The following KCNJ5 variants were observed in gnomAD, a reference collection of about 807,000 sequenced individuals.
KCNJ5 encodes potassium inwardly rectifying channel subfamily J member 5.
KCNJ5 carries 12 observed loss-of-function variants against 20.2 expected under a neutral mutation model. The observed-to-expected ratio is 0.59, with a 90% CI of 0.38 to 0.96. The LOEUF is 0.96. Among genes scored for constraint, KCNJ5 ranks in the 40% least tolerant of loss-of-function variants. The pLI is 0.00. For missense variants in KCNJ5, 449 were observed against 557.6 expected (o/e 0.81, Z 1.96); for synonymous variants, 210 against 213.9 (o/e 0.98, Z 0.16).
Position 128,916,922 on chromosome 11 carries a change from C to T in KCNJ5, c.*191C>T, listed in dbSNP as rs575827982. The T allele has an allele frequency of 1.1e-3, 625 of 575,622 alleles. 1 individual carries two copies. The highest frequency in any genetic ancestry group is 1.2e-3 in the Non-Finnish European group (380 of 325,380). 35.7% of individuals were successfully genotyped at this position (575,622 alleles called of 1,614,324 possible). ...AGGGCCTCCCTGAGCCAGTGGCATC[C>T]TGCCTGGGCCCCCCATGGCAGTGCT... On this transcript the variant is annotated 3_prime_UTR_variant, in exon 3 of 3. Coordinates refer to ENST00000529694, the MANE Select transcript of KCNJ5 (RefSeq NM_000890.5).
chr11:128,911,664 GA>G lies in KCNJ5; in HGVS notation c.395del (p.Asn132ThrfsTer121). 1 of 1,614,226 alleles carries G rather than the reference GA, an allele frequency of 6.2e-7. No individual in the cohort carries two copies. The highest frequency in any genetic ancestry group is 8.5e-7 in the Non-Finnish European group (1 of 1,180,038). ...VGDQEWIPCV[E>X]NLSGFVSAFL... Reference sequence around the variant, plus strand: ...CGACCAAGAGTGGATTCCTTGTGTTGAAAACCTCAGTGGCTTCGTGTCCGCT... The same window carrying G: ...CGACCAAGAGTGGATTCCTTGTGTTGAAACCTCAGTGGCTTCGTGTCCGCT... On this transcript the variant is annotated frameshift_variant, in exon 2 of 3. Transcript: ENST00000529694. LOFTEE classifies it high-confidence loss of function. This position sits in a 1 kb window ranked among gnomAD's most constrained non-coding sequence, Gnocchi z 6.3.
chr11:128,904,394 G>T (rs761398239), intron 1 of KCNJ5: 2 of 1,612,200 alleles, frequency 1.2e-6, no homozygotes, highest in Admixed American at 3.3e-5. Context: ...AACTCCTTGC[G>T]GACAGAGAAC....
Position 128,916,634 on chromosome 11 carries a change from G to A in KCNJ5, c.1163G>A (p.Gly388Asp), listed in dbSNP as rs150388315. The change falls in exon 3 of 3, where the codon GGC becomes GAC. Residue 388 changes from glycine to aspartate, a missense_variant. Physicochemically the swap from Gly to Asp is moderately conservative, Grantham distance 94. Transcript: ENST00000529694. ...QYLPSPPLLG[G>D]CAEAGLDAEA... Reference sequence around the variant, plus strand: ...CTCCCCAGCCCCCCACTGCTGGGGGGCTGTGCTGAGGCAGGGCTGGATGCA... The same window carrying A: ...CTCCCCAGCCCCCCACTGCTGGGGGACTGTGCTGAGGCAGGGCTGGATGCA... 24 of 1,613,676 alleles carry A rather than the reference G, an allele frequency of 1.5e-5. 1 individual carries two copies. The South Asian group carries it at 1.9e-4, about 13-fold the overall frequency.
chr11:128,904,539 G>A, intron 1 of KCNJ5: 1 of 1,323,696 alleles, frequency 7.6e-7, no homozygotes, highest in African/African-American at 1.4e-5. Flanking sequence ...CTACTCAGGT[G>A]TGCACTGAGG....
At chr11:128,906,436 G>A (rs766343342) in intron 1 of KCNJ5, among the ~76,000 whole-genome samples, 10 of 152,298 alleles carry the variant, frequency 6.6e-5, no homozygotes, top group Middle Eastern at 3.4e-3. Flanking sequence ...AGAAGTCCAG[G>A]CTTGATGCGA....
intron 1 of KCNJ5, chr11:128,902,585 T>C (rs570988967): frequency 4.3e-6 from 7 of 1,611,762 alleles, no homozygotes; most frequent in African/African-American, 1.3e-5. Context: ...ACCAGGCTGA[T>C]GGGCACTGAG....
Position 128,916,720 on chromosome 11 carries a change from G to A in KCNJ5, c.1249G>A (p.Gly417Ser), listed in dbSNP as rs1944589848. Reference sequence around the variant, plus strand: ...GCTGGGTGGGTCCAGGGAGGCCAGGGGCTCGGTGTGAGGGGTGCAGCCTCC... The same window carrying A: ...GCTGGGTGGGTCCAGGGAGGCCAGGAGCTCGGTGTGAGGGGTGCAGCCTCC... ...KGLGGSREAR[G>S]SV The change falls in exon 3 of 3, where the codon GGC becomes AGC. Residue 417 changes from glycine to serine, a missense_variant. By Grantham distance (56) the Gly-to-Ser change is moderately conservative. This residue lies in a region of KCNJ5 where 64 missense variants were observed against 51.3 expected (regional missense o/e 1.25). Transcript: ENST00000529694. The A allele has an allele frequency of 2.5e-6, 4 of 1,603,088 alleles. No individual in the cohort carries two copies. Among genetic ancestry groups the A allele is most frequent in the Non-Finnish European group, 3.4e-6 (4 of 1,175,494 alleles).
Position 128,919,824 on chromosome 11 carries a change from AC to A in KCNJ5, c.*3094del, listed in dbSNP as rs954141660. 1 of 152,138 alleles carries A rather than the reference AC, an allele frequency of 6.6e-6. No homozygotes were observed. Among genetic ancestry groups the A allele is most frequent in the African/African-American group, 2.4e-5 (1 of 41,398 alleles). 9.4% of individuals were successfully genotyped at this position (152,138 alleles called of 1,614,324 possible). On this transcript the variant is annotated 3_prime_UTR_variant, in exon 3 of 3. Coordinates refer to ENST00000529694, the MANE Select transcript of KCNJ5 (RefSeq NM_000890.5). ...GCTGGGATTACAGGCATGAGCCACC[AC>A]GCCCAGCCATTTTCAAAACACTGCT...
intron 1 of KCNJ5, among the ~76,000 whole-genome samples, chr11:128,897,532 G>A (rs1944196837): frequency 6.6e-6 from 1 of 152,092 alleles, no homozygotes; most frequent in Admixed American, 6.5e-5. Context: ...GAATTTTTAA[G>A]TATATATTTT....
chr11:128,903,063 G>A (rs947560239), intron 1 of KCNJ5, among the ~76,000 whole-genome samples: 5 of 152,148 alleles, frequency 3.3e-5, no homozygotes, highest in Non-Finnish European at 5.9e-5. Context: ...AACTAGAGCC[G>A]AGTAGCAGCT....
chr11:128,909,179 T>G (rs1944465786), intron 1 of KCNJ5, among the ~76,000 whole-genome samples: 1 of 152,244 alleles, frequency 6.6e-6, no homozygotes, highest in Admixed American at 6.5e-5. Flanking sequence ...GCCAGGGTCA[T>G]CTGACTCCCC....
rs764499695 is a variant in KCNJ5, at chr11:128,916,633, G to A, written c.1162G>A (p.Gly388Ser). 3 of 1,613,658 alleles carry A rather than the reference G, an allele frequency of 1.9e-6. No individual in the cohort carries two copies. The highest frequency in any genetic ancestry group is 2.2e-5 in the East Asian group (1 of 44,872). Reference sequence around the variant, plus strand: ...CCTCCCCAGCCCCCCACTGCTGGGGGGCTGTGCTGAGGCAGGGCTGGATGC... The same window carrying A: ...CCTCCCCAGCCCCCCACTGCTGGGGAGCTGTGCTGAGGCAGGGCTGGATGC... ...QYLPSPPLLGGCAEAGLDAEA... is the reference protein window; with the variant it reads ...QYLPSPPLLGSCAEAGLDAEA... The change falls in exon 3 of 3, where the codon GGC becomes AGC. Residue 388 changes from glycine to serine, a missense_variant. Transcript: ENST00000529694.
Position 128,911,429 on chromosome 11 carries a change from C to T in KCNJ5, c.156C>T (p.Arg52=). Residue 52 remains arginine (R), a synonymous_variant, in exon 2 of 3, where the codon CGC becomes CGT. Coordinates refer to ENST00000529694, the MANE Select transcript of KCNJ5 (RefSeq NM_000890.5). The surrounding 1 kb of genome is among the most constrained non-coding windows in gnomAD (Gnocchi z 6.3). Reference sequence around the variant, plus strand: ...CCGAGGGCAAGAAGCCACGCCAGCGCTACATGGAGAAGAGTGGCAAGTGCA... The same window carrying T: ...CCGAGGGCAAGAAGCCACGCCAGCGTTACATGGAGAAGAGTGGCAAGTGCA... ...LLAEGKKPRQ[R]YMEKSGKCNV... The T allele has an allele frequency of 6.2e-7, 1 of 1,614,232 alleles. No individual in the cohort carries two copies. The highest frequency in any genetic ancestry group is 8.5e-7 in the Non-Finnish European group (1 of 1,180,046).
intron 1 of KCNJ5, chr11:128,902,521 G>A: frequency 6.4e-7 from 1 of 1,567,030 alleles, no homozygotes; most frequent in Non-Finnish European, 8.7e-7. Context: ...GGGGGAGGGG[G>A]CTGGGGAGCA....
intron 1 of KCNJ5, chr11:128,901,742 C>T (rs984508736): frequency 6.6e-6 from 1 of 152,292 alleles, no homozygotes; most frequent in Non-Finnish European, 1.5e-5. Context: ...AAGGGGAAAC[C>T]TGGGCGTCAG....
At chr11:128,904,096 A>G (rs1218360428) in intron 1 of KCNJ5, among the ~76,000 whole-genome samples, 4 of 152,206 alleles carry the variant, frequency 2.6e-5, no homozygotes, top group Non-Finnish European at 5.9e-5. Flanking sequence ...AACGGACTTA[A>G]TAGATCTGTT....
intron 1 of KCNJ5, among the ~76,000 whole-genome samples, chr11:128,892,749 C>T (rs961855040): frequency 5.9e-5 from 9 of 152,168 alleles, no homozygotes; most frequent in African/African-American, 9.7e-5. Context: ...TATGGTTTAT[C>T]GGGCTTTCTG....
At chr11:128,902,360 C>T (rs1591441716) in intron 1 of KCNJ5, 1 of 676,620 alleles carries the variant, frequency 1.5e-6, no homozygotes, top group Non-Finnish European at 2.5e-6. Context: ...CCCATTGAGA[C>T]CATTTTTACT....
At chr11:128,905,070 G>A (rs2135992395) in intron 1 of KCNJ5, among the ~76,000 whole-genome samples, 1 of 152,362 alleles carries the variant, frequency 6.6e-6, no homozygotes, top group Admixed American at 6.5e-5. Flanking sequence ...AACCAGGACT[G>A]GCCCCTGGGA....
Sources: gnomAD v4.1 joint callset for allele counts (sites outside exome capture counted in the v4.1 genomes callset) on GRCh38, gnomAD v4.1.1 for gene constraint, gnomAD v4.1.1 regional missense constraint, Gnocchi (gnomAD v3.1) non-coding constraint, MANE v1.5 for transcripts, NCBI Gene and HGNC (gene_info 2026-07-23, HGNC 2026-07-21) for gene names.